Variants in XPOT observed in about 807,000 individuals in gnomAD.
XPOT encodes exportin-T.
In XPOT, 34 loss-of-function variants were observed where a neutral mutation model predicts 128.2. The ratio of observed to expected loss-of-function variants is 0.27; its 90% CI spans 0.20 to 0.35. The LOEUF (loss-of-function observed/expected upper bound fraction) is 0.35. Among genes scored for constraint, XPOT ranks in the 10% least tolerant of loss-of-function variants. XPOT has a pLI of 1.00. For synonymous variants in XPOT, 348 were observed against 394.3 expected, an observed-to-expected ratio of 0.88 and a Z score of 1.39; for missense variants, 838 against 1,125.3, an observed-to-expected ratio of 0.74 and a Z score of 3.65.
chr12:64,413,022 G>C (rs1450421772), intron 2 of XPOT, among the ~76,000 whole-genome samples: 2 of 152,156 alleles, frequency 1.3e-5, no homozygotes, highest in South Asian at 2.1e-4. Context: ...GGAAGTTCAA[G>C]AGTTTTTATA....
intron 17 of XPOT, among the ~76,000 whole-genome samples, chr12:64,430,576 T>C (rs1327065074): frequency 6.6e-6 from 1 of 152,198 alleles, no homozygotes; most frequent in Non-Finnish European, 1.5e-5. Flanking sequence ...ACCAAATATA[T>C]ATTGGGACGG....
chr12:64,418,149 A>G, intron 5 of XPOT, 34 bp downstream of exon 5: 1 of 1,567,842 alleles, frequency 6.4e-7, no homozygotes, highest in Non-Finnish European at 8.7e-7. Flanking sequence ...ACCTCAAATT[A>G]TTAGATATTT....
rs1048283360 is a variant in XPOT at position 64,449,953 on chromosome 12, CAAGTTA to C, written c.*1826_*1831del. The C allele has an allele frequency of 6.6e-6, 1 of 152,106 alleles. No homozygotes were observed. The highest frequency in any genetic ancestry group is 2.4e-5 in the African/African-American group (1 of 41,410). 9.4% of individuals were successfully genotyped at this position (152,106 alleles called of 1,614,324 possible). On this transcript the variant is annotated 3_prime_UTR_variant, in exon 25 of 25. Coordinates refer to ENST00000332707, the MANE Select transcript of XPOT (RefSeq NM_007235.6). ...CAGTAACTGGTTTTAGAACCTTGGG[CAAGTTA>C]AAGAATGTCTCCCAGCCTCAGTTTC... is the stretch of plus-strand genomic sequence containing the variant.
intron 16 of XPOT, among the ~76,000 whole-genome samples, chr12:64,429,190 A>G (rs1191389094): frequency 6.6e-6 from 1 of 152,152 alleles, no homozygotes; most frequent in African/African-American, 2.4e-5. Context: ...TGCAGAGTCA[A>G]ATTTCTGATG....
intron 1 of XPOT, among the ~76,000 whole-genome samples, chr12:64,408,083 C>T (rs7962498): frequency 0.53 from 79,843 of 151,908 alleles, 24,202 homozygotes; most frequent in Non-Finnish European, 0.68. Flanking sequence ...CTTTGGTTAA[C>T]GGTAATTGAA....
intron 4 of XPOT, among the ~76,000 whole-genome samples, chr12:64,417,695 A>G (rs2136016893): frequency 1.3e-5 from 2 of 152,320 alleles, no homozygotes; most frequent in South Asian, 4.1e-4. Context: ...AGAATCTCTG[A>G]CTTACTAATT....
Position 64,425,884 on chromosome 12 carries a change from T to A in XPOT, c.1642T>A (p.Phe548Ile), listed in dbSNP as rs2040188336. ...AGTTCGGAGCAGGACGGCTTACCTG[T>A]TTTCTAGATTTGTCAAATCTCTCAA... ...AKVRSRTAYLFSRFVKSLNKQ... is the reference protein window; with the variant it reads ...AKVRSRTAYLISRFVKSLNKQ... The change falls in exon 15 of 25, where the codon TTT becomes ATT. Residue 548 changes from phenylalanine (F) to isoleucine (I), a missense_variant. Phe to Ile is a conservative substitution (Grantham distance 21). This residue lies in a region of XPOT where 761 missense variants were observed against 988.3 expected (regional missense o/e 0.77). Coordinates refer to ENST00000332707, the MANE Select transcript of XPOT (RefSeq NM_007235.6). 2 of 1,614,040 alleles carry A rather than the reference T, an allele frequency of 1.2e-6. No homozygotes were observed. Among genetic ancestry groups the A allele is most frequent in the African/African-American group, 2.7e-5 (2 of 74,936 alleles).
At position 64,448,182 on chromosome 12, in the gene XPOT, A is replaced by T. The variant is rs746881681; in HGVS notation, c.*51A>T. On this transcript the variant is annotated 3_prime_UTR_variant, in exon 25 of 25. Coordinates refer to ENST00000332707, the MANE Select transcript of XPOT (RefSeq NM_007235.6). ...CATGATCATGAATTCCAGTTAATTT[A>T]TAAAGAGGCGATTTTTGTGTGCCAT... The T allele has an allele frequency of 7.6e-6, 12 of 1,579,756 alleles. No homozygotes were observed. The highest frequency in any genetic ancestry group is 1.7e-4 in the Middle Eastern group (1 of 5,726).
intron 21 of XPOT, 136 bp from the exon 22 acceptor site, chr12:64,435,491 C>G (rs1262025866): frequency 1.6e-6 from 1 of 634,736 alleles, no homozygotes; most frequent in Admixed American, 4.2e-5. Flanking sequence ...CTTCCTCTAT[C>G]CCTTCTCTGG....
chr12:64,446,568 T>C (rs1340243884), intron 24 of XPOT, among the ~76,000 whole-genome samples: 3 of 152,202 alleles, frequency 2.0e-5, no homozygotes, highest in African/African-American at 7.2e-5. Flanking sequence ...TTGATATTTA[T>C]TCACCTTCCT....
intron 1 of XPOT, chr12:64,405,104 G>T (rs1411900313): frequency 6.6e-6 from 1 of 152,306 alleles, no homozygotes; most frequent in Non-Finnish European, 1.5e-5. Context: ...TGGGAGCAAG[G>T]CTAGCAGAGG....
intron 5 of XPOT, 59 bp downstream of exon 5, chr12:64,418,174 C>A: frequency 1.4e-6 from 2 of 1,464,874 alleles, no homozygotes; most frequent in Non-Finnish European, 1.9e-6. Context: ...TTATTTTTTG[C>A]AAGAGTTTGG....
chr12:64,404,933 C>G (rs538909191), intron 1 of XPOT, 129 bp downstream of exon 1: 1 of 151,898 alleles, frequency 6.6e-6, no homozygotes, highest in Non-Finnish European at 1.5e-5. Flanking sequence ...TTGGGACCCT[C>G]TATGGCGGTG....
chr12:64,415,476 G>A (rs956422870), intron 3 of XPOT, among the ~76,000 whole-genome samples: 12 of 152,020 alleles, frequency 7.9e-5, no homozygotes, highest in Admixed American at 5.2e-4. Context: ...CTGGGTTCTT[G>A]CCATTCTCCT....
At chr12:64,444,972 T>TAA (rs71092967) in intron 23 of XPOT, 103 bp from the exon 24 acceptor site, 217 of 607,746 alleles carry the variant, frequency 3.6e-4, no homozygotes, top group East Asian at 8.5e-4. Context: ...GACCATCTCT[T>TAA]AAAAAAAAAA....
intron 16 of XPOT, among the ~76,000 whole-genome samples, chr12:64,429,451 T>C (rs1379367866): frequency 3.3e-5 from 5 of 151,986 alleles, no homozygotes; most frequent in African/African-American, 9.7e-5. Context: ...GTACTTTTTT[T>C]TTTTTTTTTG....
chr12:64,435,462 C>T lies in XPOT; in HGVS notation c.2686-165C>T, dbSNP rs573839391. On this transcript the variant is annotated intron_variant, in intron 21 of 24. Coordinates refer to ENST00000332707, the MANE Select transcript of XPOT (RefSeq NM_007235.6). ...TTTTTTTACTTCAACCCACTTAGTC[C>T]ATCTGCCTGTTACCTTTCCTTCCTC... is the stretch of plus-strand genomic sequence containing the variant. Among the ~76,000 whole-genome samples the T allele has an allele frequency of 9.9e-5, 15 of 152,206 alleles. No individual in the cohort carries two copies. The South Asian group carries it at 2.7e-3, about 27-fold the overall frequency.
intron 21 of XPOT, 82 bp from the exon 22 acceptor site, chr12:64,435,545 A>C: frequency 9.2e-7 from 1 of 1,084,842 alleles, no homozygotes; most frequent in Non-Finnish European, 1.3e-6. Context: ...TTTCCCTGGC[A>C]GTGGCCAGGG....
At chr12:64,422,613 T>G (rs2040149036) in intron 9 of XPOT, among the ~76,000 whole-genome samples, 1 of 152,170 alleles carries the variant, frequency 6.6e-6, no homozygotes, top group African/African-American at 2.4e-5. Context: ...CTTGATTGAT[T>G]ACAGGCCAGG....
Sources: gnomAD v4.1 joint callset for allele counts (sites outside exome capture counted in the v4.1 genomes callset) on GRCh38, gnomAD v4.1.1 for gene constraint, gnomAD v4.1.1 regional missense constraint, MANE v1.5 for transcripts, NCBI Gene and HGNC (gene_info 2026-07-23, HGNC 2026-07-21) for gene names.